Variants in PLA2G4C observed in about 807,000 individuals in gnomAD.
PLA2G4C encodes the protein cytosolic phospholipase A2 gamma.
PLA2G4C carries 64 observed loss-of-function variants against 73.8 expected under a neutral mutation model. The observed-to-expected ratio is 0.87, with a 90% CI of 0.71 to 1.07. The LOEUF (loss-of-function observed/expected upper bound fraction) is 1.07, where lower values mean the gene tolerates loss of function less well. PLA2G4C is among the 50% of genes least tolerant of loss of function. The pLI is 0.00. For synonymous variants in PLA2G4C, 254 were observed against 252.1 expected, an observed-to-expected ratio of 1.01 and a Z score of -0.07; for missense variants, 622 against 665.4, an observed-to-expected ratio of 0.93 and a Z score of 0.72.
In PLA2G4C at chr19:48,110,675, C is replaced by T. The variant is rs1008371060; in HGVS notation, c.-221G>A. 1.8e-6 allele frequency: 1 copy of T among 543,462 alleles called. No homozygotes were observed. Among genetic ancestry groups the T allele is most frequent in the South Asian group, 2.9e-5 (1 of 34,442 alleles). 33.7% of individuals were successfully genotyped at this position (543,462 alleles called of 1,614,324 possible). ...TCTGTGGTCCTCCTGCTTTCCTTTT[C>T]CCCCTGTGGGAGGAGGTCGCGGGCT... On this transcript the variant is annotated 5_prime_UTR_variant, in exon 1 of 17. Transcript: ENST00000599921.
rs35118449 is a variant in PLA2G4C, at chr19:48,091,883, C to CAAAAAAAA, written c.710-1474_710-1467dup. Among the ~76,000 whole-genome samples, 52 of 21,102 alleles carry CAAAAAAAA rather than the reference C, an allele frequency of 2.5e-3. 4 individuals carry two copies. Among genetic ancestry groups the CAAAAAAAA allele is most frequent in the African/African-American group, 3.9e-3 (19 of 4,832 alleles). 13.8% of individuals were successfully genotyped at this position (21,102 alleles called of 152,430 possible). A position where few individuals can be genotyped will look rare whatever the true frequency, so the allele number is the denominator to read the frequency against. On this transcript the variant is annotated intron_variant, in intron 7 of 16. Transcript: ENST00000599921. ...TGGGAGACAGAGTGAGACTCCATCT[C>CAAAAAAAA]AAAAAAAAAAAAAAAAAAAAAAAAA...
In PLA2G4C at chr19:48,048,296, C is replaced by A; in HGVS notation, c.*47G>T. ...CAGGAAGGCCAGGTGGACATCAGGG[C>A]CCTAGTAGACCAACAGGCCCACAGT... is the stretch of plus-strand genomic sequence containing the variant. On this transcript the variant is annotated 3_prime_UTR_variant, in exon 17 of 17. Coordinates refer to ENST00000599921, the MANE Select transcript of PLA2G4C (RefSeq NM_003706.3). 1 of 1,490,846 alleles carries A rather than the reference C, an allele frequency of 6.7e-7. No individual in the cohort carries two copies. 92.4% of individuals were successfully genotyped at this position (1,490,846 alleles called of 1,614,324 possible).
intron 15 of PLA2G4C, among the ~76,000 whole-genome samples, chr19:48,053,433 A>G (rs1967808009): frequency 6.9e-6 from 1 of 144,602 alleles, no homozygotes; most frequent in Admixed American, 7.2e-5. Flanking sequence ...CCAATGGCAC[A>G]ATCTTGGGTG....
At chr19:48,098,688 G>A (rs545617781) in intron 5 of PLA2G4C, among the ~76,000 whole-genome samples, 7 of 105,258 alleles carry the variant, frequency 6.7e-5, no homozygotes, top group African/African-American at 1.9e-4. Context: ...AGACCACCCC[G>A]AGCAAAAAAG....
chr19:48,101,533 T>C (rs1220264083), intron 4 of PLA2G4C, among the ~76,000 whole-genome samples: 2 of 152,148 alleles, frequency 1.3e-5, no homozygotes, highest in East Asian at 3.8e-4. Context: ...CTTGAGCCCC[T>C]GAAGTGTGGC....
Position 48,048,277 on chromosome 19 carries a change from G to C in PLA2G4C, c.*66C>G. 8.3e-7 allele frequency: 1 copy of C among 1,211,122 alleles called. No homozygotes were observed. The highest frequency in any genetic ancestry group is 1.2e-6 in the Non-Finnish European group (1 of 837,126). The allele number at this position is 1,211,122 out of a possible 1,614,324, so 75.0% of individuals were successfully genotyped here. ...GGCTGAAGGGAGTGAAGAACAGGAA[G>C]GCCAGGTGGACATCAGGGCCCTAGT... is the stretch of plus-strand genomic sequence containing the variant. On this transcript the variant is annotated 3_prime_UTR_variant, in exon 17 of 17. Coordinates refer to ENST00000599921, the MANE Select transcript of PLA2G4C (RefSeq NM_003706.3).
At chr19:48,095,751 G>A (rs2031535054) in intron 6 of PLA2G4C, 147 bp from the exon 7 acceptor site, 1 of 828,586 alleles carries the variant, frequency 1.2e-6, no homozygotes, top group Non-Finnish European at 2.0e-6. Flanking sequence ...AAACCACTGG[G>A]GATCTCATCC....
intron 13 of PLA2G4C, among the ~76,000 whole-genome samples, chr19:48,066,983 A>G (rs1356505765): frequency 1.3e-5 from 2 of 151,814 alleles, no homozygotes; most frequent in Non-Finnish European, 2.9e-5. Flanking sequence ...ACACACACAC[A>G]CACACATACA....
At chr19:48,062,294 T>C (rs1968215470) in intron 13 of PLA2G4C, 142 bp from the exon 14 acceptor site, 4 of 633,812 alleles carry the variant, frequency 6.3e-6, no homozygotes, top group African/African-American at 1.9e-5. Context: ...AGGAGCTGAC[T>C]TCTCTCTCTT....
intron 14 of PLA2G4C, among the ~76,000 whole-genome samples, chr19:48,055,967 G>T (rs2122443555): frequency 6.6e-6 from 1 of 152,170 alleles, no homozygotes; most frequent in Non-Finnish European, 1.5e-5. Flanking sequence ...CTTGAAGAAA[G>T]TAAAAAGAAG....
intron 4 of PLA2G4C, among the ~76,000 whole-genome samples, chr19:48,100,866 A>T (rs1157231977): frequency 5.4e-5 from 8 of 149,124 alleles, no homozygotes; most frequent in Admixed American, 2.7e-4. Context: ...GTGAGCCGAG[A>T]TCGCGCCACT....
chr19:48,070,728 C>T (rs1049894762), intron 12 of PLA2G4C, among the ~76,000 whole-genome samples: 4 of 151,894 alleles, frequency 2.6e-5, no homozygotes, highest in Non-Finnish European at 2.9e-5. Flanking sequence ...GAACAACACA[C>T]ACTGGGGCCT....
rs532925455 is a variant in PLA2G4C, at chr19:48,061,027, G to A, written c.1257+971C>T. On this transcript the variant is annotated intron_variant, in intron 14 of 16. Coordinates refer to ENST00000599921, the MANE Select transcript of PLA2G4C (RefSeq NM_003706.3). ...TTTTAATAAAATAGCTGGGCAGGGC[G>A]GCTTGTGCCTGTAATCCTAGCCTTG... 1.2e-4 allele frequency among the ~76,000 whole-genome samples: 18 copies of A among 152,174 alleles called. No individual in the cohort carries two copies. In the East Asian group the frequency reaches 2.1e-3, roughly 18 times the overall value.
intron 10 of PLA2G4C, among the ~76,000 whole-genome samples, chr19:48,084,345 C>T (rs1293321069): frequency 6.6e-6 from 1 of 151,724 alleles, no homozygotes; most frequent in Non-Finnish European, 1.5e-5. Flanking sequence ...CAGGCATGAG[C>T]CACTGCGCCG....
At chr19:48,083,094 C>T (rs919020260) in intron 10 of PLA2G4C, among the ~76,000 whole-genome samples, 6 of 152,136 alleles carry the variant, frequency 3.9e-5, no homozygotes, top group Admixed American at 3.3e-4. Context: ...GGATTACAGG[C>T]GTGAGCCACC....
At chr19:48,105,947 C>CTTTCTTTCTTTCTTTCT (rs1555756111) in intron 2 of PLA2G4C, among the ~76,000 whole-genome samples, 2 of 9,164 alleles carry the variant, frequency 2.2e-4, no homozygotes, top group Non-Finnish European at 3.4e-4. Flanking sequence ...CCCTCCCTCC[C>CTTTCTTTCTTTCTTTCT]TTCTTTCTTT....
At chr19:48,100,931 GA>G (rs1489420132) in intron 4 of PLA2G4C, among the ~76,000 whole-genome samples, 2 of 138,742 alleles carry the variant, frequency 1.4e-5, no homozygotes, top group Non-Finnish European at 3.1e-5. Context: ...AAAAAAAAAA[GA>G]AAAAAAAGAC....
chr19:48,055,389 G>GTA (rs4002927), intron 14 of PLA2G4C, among the ~76,000 whole-genome samples: 15,818 of 132,352 alleles, frequency 0.12, 1,095 homozygotes, highest in South Asian at 0.15. Flanking sequence ...CATCTCTACA[G>GTA]TATATATATA....
chr19:48,080,400 C>T (rs1009419628), intron 10 of PLA2G4C, among the ~76,000 whole-genome samples: 2 of 152,158 alleles, frequency 1.3e-5, no homozygotes, highest in African/African-American at 4.8e-5. Flanking sequence ...ATTAGTACAA[C>T]CTCTATGGAA....
Sources: gnomAD v4.1 joint callset for allele counts (sites outside exome capture counted in the v4.1 genomes callset) on GRCh38, gnomAD v4.1.1 for gene constraint, MANE v1.5 for transcripts, NCBI Gene and HGNC (gene_info 2026-07-23, HGNC 2026-07-21) for gene names.